THRAP3: variants seen among roughly 807,000 people sequenced by gnomAD.
THRAP3 encodes the protein thyroid hormone receptor associated protein 3.
Under a neutral mutation model 101.0 loss-of-function variants are expected in THRAP3, and 16 were observed. That is an observed-to-expected ratio of 0.16 (90% CI 0.11 to 0.24). The LOEUF (loss-of-function observed/expected upper bound fraction) is 0.24, where lower values mean the gene tolerates loss of function less well. THRAP3 is among the 10% of genes least tolerant of loss of function. The pLI, the probability that THRAP3 is intolerant of heterozygous loss-of-function variation, is 1.00. For missense variants in THRAP3, 989 were observed against 1,202.7 expected (o/e 0.82, Z 2.63); for synonymous variants, 407 against 422.6 (o/e 0.96, Z 0.45).
chr1:36,217,766 C>A, the THRAP3 span, among the ~76,000 whole-genome samples: 1 of 152,096 alleles, frequency 6.6e-6, no homozygotes, highest in African/African-American at 2.4e-5. Context: ...ACATACTGCA[C>A]CCATATAAGT....
chr1:36,233,596 C>CAAAAT (rs199832379), intron 1 of THRAP3, among the ~76,000 whole-genome samples: 4 of 150,744 alleles, frequency 2.7e-5, no homozygotes, highest in African/African-American at 9.8e-5. Context: ...CCCACCTCTA[C>CAAAAT]AAAATAAAAT....
upstream of THRAP3, among the ~76,000 whole-genome samples, chr1:36,221,722 T>C (rs1003056823): frequency 6.6e-6 from 1 of 152,008 alleles, no homozygotes; most frequent in African/African-American, 2.4e-5. Flanking sequence ...TAGCTGGGAT[T>C]ACAGGCATGT....
chr1:36,220,653 G>A (rs965245201), upstream of THRAP3, among the ~76,000 whole-genome samples: 4 of 150,132 alleles, frequency 2.7e-5, no homozygotes, highest in Admixed American at 6.7e-5. Flanking sequence ...GACCAGAATG[G>A]GCAATATACT....
intron 2 of THRAP3, among the ~76,000 whole-genome samples, chr1:36,278,007 C>T (rs1645682993): frequency 6.6e-6 from 1 of 151,464 alleles, no homozygotes. Context: ...AGGTGATCCA[C>T]CTGCCTTGGC....
At chr1:36,260,911 G>A (rs1442811668) in intron 2 of THRAP3, among the ~76,000 whole-genome samples, 2 of 151,482 alleles carry the variant, frequency 1.3e-5, no homozygotes, top group Non-Finnish European at 2.9e-5. Flanking sequence ...ATTACGTAGC[G>A]CTTATTCACA....
rs1160026977 is a variant in THRAP3 at position 36,236,224 on chromosome 1, GAAAAA to G, written c.-135+11730_-135+11734del. The stretch of plus-strand genomic sequence containing the variant: ...GACACAGCGAGACTCAGTCTCAAAA[GAAAAA>G]AAAAAAAAAACCTTCATGACAGACT... On this transcript the variant is annotated intron_variant, in intron 1 of 11. Transcript: ENST00000354618. 1.9e-3 allele frequency among the ~76,000 whole-genome samples: 208 copies of G among 108,688 alleles called. 3 individuals are homozygous for G. Among genetic ancestry groups the G allele is most frequent in the African/African-American group, 6.9e-3 (200 of 28,936 alleles). 71.3% of individuals were successfully genotyped at this position (108,688 alleles called of 152,430 possible). A position where few individuals can be genotyped will look rare whatever the true frequency, so the allele number is the denominator to read the frequency against.
At position 36,286,927 on chromosome 1, in the gene THRAP3, G is replaced by A. The variant is rs1196953941; in HGVS notation, c.697G>A (p.Ala233Thr). Reference sequence around the variant, plus strand: ...AGATGCCACCTACGGCACTGGTTCTGCATCACGGGCCTCAGCAGTTTCTGA... The same window carrying A: ...AGATGCCACCTACGGCACTGGTTCTACATCACGGGCCTCAGCAGTTTCTGA... ...WPDATYGTGSASRASAVSELS... is the reference protein window; with the variant it reads ...WPDATYGTGSTSRASAVSELS... The change falls in exon 4 of 12, where the codon GCA becomes ACA. Residue 233 changes from alanine to threonine, a missense_variant. Ala to Thr is a moderately conservative substitution (Grantham distance 58). Transcript: ENST00000354618. The surrounding 1 kb of genome is among the most constrained non-coding windows in gnomAD (Gnocchi z 5.5). 2.5e-6 allele frequency: 4 copies of A among 1,614,238 alleles called. No homozygotes were observed. Among genetic ancestry groups the A allele is most frequent in the African/African-American group, 1.3e-5 (1 of 75,068 alleles).
intron 1 of THRAP3, among the ~76,000 whole-genome samples, chr1:36,229,674 T>G (rs940677583): frequency 1.3e-5 from 2 of 152,010 alleles, no homozygotes; most frequent in Non-Finnish European, 2.9e-5. Flanking sequence ...TGTTTTGAGA[T>G]GGAGTTTCGC....
intron 1 of THRAP3, among the ~76,000 whole-genome samples, chr1:36,256,158 CGTT>C (rs1326926424): frequency 1.3e-5 from 2 of 150,502 alleles, no homozygotes; most frequent in Non-Finnish European, 3.0e-5. Context: ...TTGGGGTTAT[CGTT>C]GTAAGCCACC....
Position 36,282,620 on chromosome 1 carries a change from A to G in THRAP3, c.57A>G (p.Ala19=), listed in dbSNP as rs781430971. 3 of 1,614,184 alleles carry G rather than the reference A, an allele frequency of 1.9e-6. No homozygotes were observed. Among genetic ancestry groups the G allele is most frequent in the Non-Finnish European group, 1.7e-6 (2 of 1,180,030 alleles). ...CTCGCTCTTCTCGCTCAAGATCTGC[A>G]TCAAGATCTCGTTCTCGTTCATTTT... ...SGSRSSRSRS[A]SRSRSRSFSK... is the part of the protein sequence containing the mutation. Residue 19 remains alanine, a synonymous_variant, in exon 3 of 12, where the codon GCA becomes GCG. Coordinates refer to ENST00000354618, the MANE Select transcript of THRAP3 (RefSeq NM_005119.4).
At chr1:36,227,346 C>T (rs961697159) in intron 1 of THRAP3, among the ~76,000 whole-genome samples, 2 of 151,462 alleles carry the variant, frequency 1.3e-5, no homozygotes, top group African/African-American at 2.4e-5. Context: ...TGCAGTGGCG[C>T]GATCTTGGCT....
intron 1 of THRAP3, among the ~76,000 whole-genome samples, chr1:36,235,080 C>T (rs1024241710): frequency 1.1e-4 from 16 of 152,146 alleles, no homozygotes; most frequent in African/African-American, 3.9e-4. Flanking sequence ...TCCCAAAGTT[C>T]TGGGATTACA....
intron 1 of THRAP3, among the ~76,000 whole-genome samples, chr1:36,237,537 A>G (rs188525165): frequency 9.9e-4 from 150 of 150,786 alleles, no homozygotes; most frequent in Non-Finnish European, 1.5e-3. Context: ...TTGGGAGGCC[A>G]AGGCAGGCAG....
chr1:36,214,325 G>A, the THRAP3 span, among the ~76,000 whole-genome samples: 1 of 152,310 alleles, frequency 6.6e-6, no homozygotes, highest in South Asian at 2.1e-4. Context: ...CCTGGGGGTC[G>A]ACTTTGACTC....
chr1:36,279,828 AAAAT>A (rs1645709025), intron 2 of THRAP3, among the ~76,000 whole-genome samples: 1 of 152,236 alleles, frequency 6.6e-6, no homozygotes, highest in African/African-American at 2.4e-5. Context: ...GAATATAACA[AAAAT>A]AAATACTACC....
At chr1:36,240,235 C>T (rs1389220391) in intron 1 of THRAP3, among the ~76,000 whole-genome samples, 1 of 152,110 alleles carries the variant, frequency 6.6e-6, no homozygotes, top group Non-Finnish European at 1.5e-5. Context: ...AGAAGCTGGT[C>T]ACGTGGCTCA....
intron 1 of THRAP3, among the ~76,000 whole-genome samples, chr1:36,226,168 G>A (rs753631660): frequency 1.3e-5 from 2 of 152,154 alleles, no homozygotes; most frequent in African/African-American, 2.4e-5. Flanking sequence ...TTTGTTCCGA[G>A]GAATTGGAGG....
chr1:36,234,146 G>C (rs1645059846), intron 1 of THRAP3, among the ~76,000 whole-genome samples: 1 of 152,028 alleles, frequency 6.6e-6, no homozygotes, highest in Admixed American at 6.6e-5. Context: ...ATAGAGACAG[G>C]GTTTCACCAT....
chr1:36,238,041 G>A (rs1332810259), intron 1 of THRAP3, among the ~76,000 whole-genome samples: 2 of 151,956 alleles, frequency 1.3e-5, no homozygotes. Context: ...CACCGTGTTA[G>A]CCAGGATGGT....
Sources: gnomAD v4.1 joint callset for allele counts (sites outside exome capture counted in the v4.1 genomes callset) on GRCh38, gnomAD v4.1.1 for gene constraint, Gnocchi (gnomAD v3.1) non-coding constraint, MANE v1.5 for transcripts, NCBI Gene and HGNC (gene_info 2026-07-23, HGNC 2026-07-21) for gene names.